Variants in NRG1 observed in about 807,000 individuals in gnomAD.
NRG1 encodes pro-neuregulin-1, membrane-bound isoform.
In NRG1, 18 loss-of-function variants were observed where a neutral mutation model predicts 63.8. The observed-to-expected ratio is 0.28, with a 90% CI of 0.19 to 0.42. The LOEUF is 0.42. NRG1 is among the 10% of genes least tolerant of loss of function. NRG1 has a pLI of 1.00. For synonymous variants in NRG1, 302 were observed against 301.3 expected (o/e 1.00, Z -0.02); for missense variants, 762 against 814.7 (o/e 0.94, Z 0.79).
chr8:32,676,246 G>A (rs539687131), intron 5 of NRG1, among the ~76,000 whole-genome samples: 10 of 152,230 alleles, frequency 6.6e-5, no homozygotes, highest in Middle Eastern at 3.4e-3. Context: ...TTTGGGGAAG[G>A]TGCCAAGGAA....
At chr8:32,453,201 A>G (rs1050109205) in intron 1 of NRG1, among the ~76,000 whole-genome samples, 2 of 152,180 alleles carry the variant, frequency 1.3e-5, no homozygotes, top group Non-Finnish European at 2.9e-5. Context: ...ATTTTCCATG[A>G]CACTTTTGCC....
At position 31,738,641 on chromosome 8, in the gene NRG1, A is replaced by T. The variant is rs75032710; in HGVS notation, c.37+99210A>T. ...ACACAAACTGGGTGGCTTAAAAACAACAGAAACCAAAATCAAGGTGTTGGC... is the reference window on the plus strand; with the variant it reads ...ACACAAACTGGGTGGCTTAAAAACATCAGAAACCAAAATCAAGGTGTTGGC... On this transcript the variant is annotated intron_variant, in intron 1 of 10. Coordinates refer to the NRG1 transcript ENST00000519301. 4.5e-3 allele frequency among the ~76,000 whole-genome samples: 683 copies of T among 152,174 alleles called. 6 individuals are homozygous for T. The highest frequency in any genetic ancestry group is 0.016 in the African/African-American group (645 of 41,520).
chr8:32,560,008 C>A (rs1836071678), intron 1 of NRG1, among the ~76,000 whole-genome samples: 2 of 151,902 alleles, frequency 1.3e-5, no homozygotes, highest in South Asian at 2.1e-4. Context: ...CAGAGTGAGA[C>A]CCTGTGTCAA....
intron 1 of NRG1, among the ~76,000 whole-genome samples, chr8:31,801,889 A>G (rs1018444291): frequency 2.0e-5 from 3 of 152,184 alleles, no homozygotes; most frequent in Non-Finnish European, 4.4e-5. Flanking sequence ...CTCAAGTTCT[A>G]CACTAGATTT....
chr8:32,264,142 A>G (rs1327874010), intron 1 of NRG1, among the ~76,000 whole-genome samples: 1 of 152,210 alleles, frequency 6.6e-6, no homozygotes, highest in Non-Finnish European at 1.5e-5. Context: ...TTTATTAATT[A>G]CCACTTTTTT....
downstream of NRG1, among the ~76,000 whole-genome samples, chr8:32,768,642 A>G (rs1048022720): frequency 1.3e-5 from 2 of 152,222 alleles, no homozygotes; most frequent in South Asian, 2.1e-4. Context: ...AAATGAGGGT[A>G]TTACTTTTCT....
At chr8:32,052,527 C>A (rs1822158576) in intron 1 of NRG1, among the ~76,000 whole-genome samples, 2 of 152,006 alleles carry the variant, frequency 1.3e-5, no homozygotes. Flanking sequence ...AGTTATCCTC[C>A]CACCTCTACG....
rs72634865 is a variant in NRG1 at position 32,615,121 on chromosome 8, T to C, written c.451+557T>C. Among the ~76,000 whole-genome samples the C allele has an allele frequency of 4.6e-3, 696 of 152,282 alleles. 1 individual carries two copies. Among genetic ancestry groups the C allele is most frequent in the Admixed American group, 8.0e-3 (122 of 15,276 alleles). ...CTGTAGTATTTGCTGATAGCACTTATAGTCTGAGCAGATATTAGCAACTTA... is the reference window on the plus strand; with the variant it reads ...CTGTAGTATTTGCTGATAGCACTTACAGTCTGAGCAGATATTAGCAACTTA... On this transcript the variant is annotated intron_variant, in intron 4 of 11. Transcript: ENST00000356819.
At chr8:32,173,972 G>T (rs1482594332) in intron 1 of NRG1, among the ~76,000 whole-genome samples, 1 of 152,120 alleles carries the variant, frequency 6.6e-6, no homozygotes, top group Non-Finnish European at 1.5e-5. Context: ...ATTGAACTCA[G>T]CTCTGCACCA....
At position 32,520,360 on chromosome 8, in the gene NRG1, T is replaced by C. The variant is rs576857884; in HGVS notation, c.38-75468T>C. Among the ~76,000 whole-genome samples, 4 of 151,508 alleles carry C rather than the reference T, an allele frequency of 2.6e-5. No homozygotes were observed. The East Asian group carries it at 5.9e-4, about 22-fold the overall frequency. ...TTTTGGTAGAAACAGGGTCTTGCCA[T>C]GTTGCCCAGGCTGGTCTCGAACTCC... On this transcript the variant is annotated intron_variant, in intron 1 of 10. Transcript: ENST00000519301.
chr8:31,969,012 T>C (rs1806843924), intron 1 of NRG1, among the ~76,000 whole-genome samples: 1 of 152,184 alleles, frequency 6.6e-6, no homozygotes, highest in African/African-American at 2.4e-5. Context: ...CTCTCTCCGC[T>C]TCGTTTTCAA....
At chr8:32,503,596 G>A (rs929330643) in intron 1 of NRG1, among the ~76,000 whole-genome samples, 1 of 152,092 alleles carries the variant, frequency 6.6e-6, no homozygotes, top group Non-Finnish European at 1.5e-5. Flanking sequence ...AGTTTGACTA[G>A]TAAGTCCAAG....
At chr8:31,804,819 C>A (rs188610974) in intron 1 of NRG1, among the ~76,000 whole-genome samples, 1 of 152,214 alleles carries the variant, frequency 6.6e-6, no homozygotes, top group Admixed American at 6.5e-5. Context: ...CTAAAAAATG[C>A]CTTCATAGCA....
At chr8:32,761,377 G>A (rs897955930) in intron 11 of NRG1, among the ~76,000 whole-genome samples, 13 of 152,032 alleles carry the variant, frequency 8.6e-5, no homozygotes, top group African/African-American at 3.1e-4. Flanking sequence ...GGGAGGAGAT[G>A]ACTTTGATAG....
chr8:31,798,389 A>G (rs1216710339), intron 1 of NRG1, among the ~76,000 whole-genome samples: 2 of 152,180 alleles, frequency 1.3e-5, no homozygotes, highest in African/African-American at 4.8e-5. Context: ...AACAATATCT[A>G]TTTGTTGATT....
chr8:32,591,948 T>C (rs1040795911), intron 1 of NRG1, among the ~76,000 whole-genome samples: 3 of 151,544 alleles, frequency 2.0e-5, no homozygotes, highest in Admixed American at 2.0e-4. Context: ...AATATAAAAG[T>C]TAAAAAGAAA....
chr8:32,261,451 G>A (rs567953075), intron 1 of NRG1, among the ~76,000 whole-genome samples: 2 of 151,658 alleles, frequency 1.3e-5, no homozygotes, highest in Non-Finnish European at 2.9e-5. Flanking sequence ...CGAAACGGAG[G>A]CTTTTCTTAC....
chr8:32,692,091 A>T (rs550054528), intron 5 of NRG1, among the ~76,000 whole-genome samples: 6 of 152,308 alleles, frequency 3.9e-5, no homozygotes, highest in African/African-American at 1.2e-4. Context: ...TCAAAGCCCA[A>T]TTCTAATATG....
intron 1 of NRG1, among the ~76,000 whole-genome samples, chr8:31,706,703 G>C (rs1238180324): frequency 6.6e-6 from 1 of 152,176 alleles, no homozygotes; most frequent in Admixed American, 6.5e-5. Flanking sequence ...CTTACCAATA[G>C]AGCATGTTGT....
Sources: gnomAD v4.1 joint callset for allele counts (sites outside exome capture counted in the v4.1 genomes callset) on GRCh38, gnomAD v4.1.1 for gene constraint, MANE v1.5 for transcripts, NCBI Gene and HGNC (gene_info 2026-07-23, HGNC 2026-07-21) for gene names.